The following CX3CR1 variants were observed in gnomAD, a reference collection of about 807,000 sequenced individuals.
CX3CR1 encodes CX3C chemokine receptor 1.
For synonymous variants in CX3CR1, 168 were observed against 178.5 expected (o/e 0.94, Z 0.47); for missense variants, 363 against 432.4 (o/e 0.84, Z 1.42).
upstream of CX3CR1, among the ~76,000 whole-genome samples, chr3:39,283,793 AATTATAT>A (rs1452160970): frequency 4.7e-5 from 3 of 63,930 alleles, no homozygotes; most frequent in East Asian, 5.3e-4. Flanking sequence ...AAAAAAAAAA[AATTATAT>A]ATATATATAT....
At chr3:39,269,566 A>G (rs2040750361) in intron 1 of CX3CR1, among the ~76,000 whole-genome samples, 1 of 152,212 alleles carries the variant, frequency 6.6e-6, no homozygotes, top group Non-Finnish European at 1.5e-5. Flanking sequence ...AATTCAGATA[A>G]TGCTCTGGGC....
intron 1 of CX3CR1, among the ~76,000 whole-genome samples, chr3:39,272,720 T>C (rs1559368672): frequency 6.6e-6 from 1 of 152,036 alleles, no homozygotes; most frequent in East Asian, 1.9e-4. Flanking sequence ...GCCAAGAAAA[T>C]TGTGAGGCTT....
chr3:39,274,343 C>A (rs904426288), intron 1 of CX3CR1, among the ~76,000 whole-genome samples: 1 of 151,996 alleles, frequency 6.6e-6, no homozygotes, highest in Non-Finnish European at 1.5e-5. Context: ...ACATTTTATA[C>A]CCCATCCCCT....
At chr3:39,291,401 T>C in the CX3CR1 span, among the ~76,000 whole-genome samples, 2 of 152,334 alleles carry the variant, frequency 1.3e-5, no homozygotes, top group Admixed American at 1.3e-4. Flanking sequence ...ACGTGCAACA[T>C]GTAGATTCAG....
chr3:39,273,146 T>C (rs1260295919), intron 1 of CX3CR1, among the ~76,000 whole-genome samples: 1 of 152,250 alleles, frequency 6.6e-6, no homozygotes, highest in Non-Finnish European at 1.5e-5. Flanking sequence ...TCTCTCGAAG[T>C]AGAACTGAAA....
At chr3:39,281,919 T>C (rs1050013738), upstream of CX3CR1, among the ~76,000 whole-genome samples, 1 of 152,188 alleles carries the variant, frequency 6.6e-6, no homozygotes, top group African/African-American at 2.4e-5. Context: ...TTGGCAAGCA[T>C]GAGAACCAGC....
upstream of CX3CR1, chr3:39,280,587 G>T: frequency 1.9e-6 from 1 of 535,150 alleles, no homozygotes; most frequent in Non-Finnish European, 2.4e-6. Context: ...GGCATCTAGT[G>T]AGTACCTTGC....
In CX3CR1 at chr3:39,265,610, G is replaced by C. The variant is rs2040684470; in HGVS notation, c.900C>G (p.Phe300Leu). ...CATACAGGTGGTAAAGGTATCTTCT[G>C]AACTTCTCCCCAGCAAATGCATAGA... is the stretch of plus-strand genomic sequence containing the variant. ...PLIYAFAGEK[F>L]RRYLYHLYGK... Residue 300 changes from phenylalanine (F) to leucine (L), a missense_variant, in exon 2 of 2, where the codon TTC becomes TTG. Coordinates refer to ENST00000399220, the MANE Select transcript of CX3CR1 (RefSeq NM_001337.4). The C allele has an allele frequency of 6.2e-7, 1 of 1,614,204 alleles. No homozygotes were observed.
chr3:39,280,415 C>T (rs1411210961), upstream of CX3CR1: 5 of 985,398 alleles, frequency 5.1e-6, no homozygotes, highest in Non-Finnish European at 4.8e-6. Context: ...CACACTGGGG[C>T]ACACACAGCT....
At chr3:39,290,793 C>A in the CX3CR1 span, among the ~76,000 whole-genome samples, 2 of 151,822 alleles carry the variant, frequency 1.3e-5, no homozygotes, top group African/African-American at 4.8e-5. Flanking sequence ...TGGTGGTGGG[C>A]GCCTGTAATC....
upstream of CX3CR1, chr3:39,281,073 G>T: frequency 2.0e-6 from 2 of 991,274 alleles, no homozygotes; most frequent in Non-Finnish European, 2.4e-6. Context: ...CGAGGACAGC[G>T]GGTGCTCTGT....
chr3:39,292,232 G>C, the CX3CR1 span, among the ~76,000 whole-genome samples: 1 of 152,228 alleles, frequency 6.6e-6, no homozygotes, highest in African/African-American at 2.4e-5. Flanking sequence ...CTGTGTGAGA[G>C]ATGAGAAAAC....
upstream of CX3CR1, among the ~76,000 whole-genome samples, chr3:39,282,242 T>A (rs1439752521): frequency 6.6e-6 from 1 of 152,128 alleles, no homozygotes; most frequent in Non-Finnish European, 1.5e-5. Context: ...CCTCCACGCC[T>A]CCTTGGGCCT....
At chr3:39,270,851 A>G (rs1167173591) in intron 1 of CX3CR1, among the ~76,000 whole-genome samples, 2 of 152,258 alleles carry the variant, frequency 1.3e-5, no homozygotes, top group Non-Finnish European at 2.9e-5. Context: ...TATGAGTTAT[A>G]TGAAAAACTA....
intron 1 of CX3CR1, among the ~76,000 whole-genome samples, chr3:39,267,743 A>G (rs2040723121): frequency 6.6e-6 from 1 of 152,160 alleles, no homozygotes; most frequent in South Asian, 2.1e-4. Context: ...AATTCCCCCT[A>G]CGATTACCAG....
At chr3:39,273,510 G>C (rs1174978912) in intron 1 of CX3CR1, among the ~76,000 whole-genome samples, 1 of 152,220 alleles carries the variant, frequency 6.6e-6, no homozygotes. Context: ...ATGAATGGCT[G>C]AGAGACCCTG....
chr3:39,269,154 GA>G (rs11369041), intron 1 of CX3CR1, among the ~76,000 whole-genome samples: 6 of 150,538 alleles, frequency 4.0e-5, no homozygotes, highest in African/African-American at 7.3e-5. Flanking sequence ...CTGCAATTCT[GA>G]AAAAAAAAAG....
chr3:39,291,469 T>C, the CX3CR1 span, among the ~76,000 whole-genome samples: 1 of 152,226 alleles, frequency 6.6e-6, no homozygotes, highest in Non-Finnish European at 1.5e-5. Context: ...CTACTTGTCC[T>C]CTTCAAATAT....
At chr3:39,267,423 C>A (rs1326242515) in intron 1 of CX3CR1, among the ~76,000 whole-genome samples, 2 of 152,186 alleles carry the variant, frequency 1.3e-5, no homozygotes, top group African/African-American at 4.8e-5. Flanking sequence ...TTTTTGAGAA[C>A]CATTTCACCT....
Sources: allele counts gnomAD v4.1 joint callset (sites outside exome capture counted in the v4.1 genomes callset), GRCh38; gene constraint gnomAD v4.1.1; transcripts MANE v1.5; gene names NCBI Gene and HGNC (gene_info 2026-07-23, HGNC 2026-07-21).